The following BMPER variants were observed in gnomAD, a reference collection of about 807,000 sequenced individuals.
The protein encoded by BMPER is BMP binding endothelial regulator.
BMPER carries 45 observed loss-of-function variants against 87.3 expected under a neutral mutation model. The observed-to-expected ratio is 0.52, with a 90% CI of 0.41 to 0.66. The LOEUF is 0.66. Ranked by LOEUF, BMPER falls within the 30% of genes least tolerant of loss-of-function variation. BMPER has a pLI of 0.00. For synonymous variants in BMPER, 326 were observed against 316.2 expected (o/e 1.03, Z -0.33); for missense variants, 784 against 867.5 (o/e 0.90, Z 1.21).
At position 34,046,752 on chromosome 7, in the gene BMPER, C is replaced by T. The variant is rs74782807; in HGVS notation, c.676+347C>T. Among the ~76,000 whole-genome samples, 374 of 152,054 alleles carry T rather than the reference C, an allele frequency of 2.5e-3. 2 individuals are homozygous for T. The highest frequency in any genetic ancestry group is 8.5e-3 in the African/African-American group (354 of 41,444). On this transcript the variant is annotated intron_variant, in intron 7 of 14. Transcript: ENST00000649409. ...TATTTTAAAGGTATTTGAAGTAAAC[C>T]CATAGAGGAATATAGACTAGTGTTA...
intron 6 of BMPER, among the ~76,000 whole-genome samples, chr7:33,998,667 A>G (rs1159191584): frequency 6.6e-6 from 1 of 152,188 alleles, no homozygotes; most frequent in Non-Finnish European, 1.5e-5. Flanking sequence ...ACACAGGGTC[A>G]AGGCTGAATG....
chr7:34,086,848 C>T (rs1470219978), intron 13 of BMPER, among the ~76,000 whole-genome samples: 1 of 152,178 alleles, frequency 6.6e-6, no homozygotes, highest in African/African-American at 2.4e-5. Flanking sequence ...ATTTACTACA[C>T]AATTCCATGG....
chr7:33,936,380 A>G (rs1053004360), intron 2 of BMPER, among the ~76,000 whole-genome samples: 1 of 152,168 alleles, frequency 6.6e-6, no homozygotes, highest in Non-Finnish European at 1.5e-5. Context: ...CTCCCACTGG[A>G]AAGCTGGGTA....
chr7:34,009,331 C>T (rs997956641), intron 6 of BMPER, among the ~76,000 whole-genome samples: 7 of 151,852 alleles, frequency 4.6e-5, no homozygotes, highest in Non-Finnish European at 7.4e-5. Flanking sequence ...TCTTTCTGAA[C>T]TATTAGGGGC....
At chr7:34,073,573 G>T (rs1056639997) in intron 11 of BMPER, among the ~76,000 whole-genome samples, 1 of 152,364 alleles carries the variant, frequency 6.6e-6, no homozygotes, top group East Asian at 1.9e-4. Flanking sequence ...ATGGCAGTGT[G>T]CCAGGCACTG....
intron 11 of BMPER, among the ~76,000 whole-genome samples, chr7:34,067,679 A>G (rs1788628641): frequency 6.6e-6 from 1 of 152,182 alleles, no homozygotes; most frequent in African/African-American, 2.4e-5. Flanking sequence ...CTGCTCCAGC[A>G]TCTGGAGTCG....
rs1289703086 is a variant in BMPER at position 34,051,879 on chromosome 7, A to T, written c.695A>T (p.Asp232Val). 1.9e-6 allele frequency: 3 copies of T among 1,613,472 alleles called. No homozygotes were observed. Among genetic ancestry groups the T allele is most frequent in the Admixed American group, 1.7e-5 (1 of 59,986 alleles). The part of the protein sequence containing the change: ...PKCLGQRKVF[D>V]LPFGSCLFRS... ...TCTCTAGGTCAGAGGAAAGTGTTTG[A>T]CCTCCCTTTTGGGAGCTGCCTCTTT... is the stretch of plus-strand genomic sequence containing the variant. The change falls in exon 8 of 15, where the codon GAC becomes GTC. Residue 232 changes from aspartate (D) to valine (V), a missense_variant. Transcript: ENST00000649409.
chr7:33,957,197 A>T (rs1380497690), intron 3 of BMPER, among the ~76,000 whole-genome samples: 1 of 151,980 alleles, frequency 6.6e-6, no homozygotes, highest in Non-Finnish European at 1.5e-5. Flanking sequence ...GAAACAACCC[A>T]GATGCCCTTC....
Position 34,153,156 on chromosome 7 carries a change from C to T in BMPER, c.1941C>T (p.Asp647=). 1 of 1,614,044 alleles carries T rather than the reference C, an allele frequency of 6.2e-7. No individual in the cohort carries two copies. Among genetic ancestry groups the T allele is most frequent in the Middle Eastern group, 1.6e-4 (1 of 6,062 alleles). The change falls in exon 15 of 15, where the codon GAC becomes GAT. Residue 647 remains aspartate, a synonymous_variant. Transcript: ENST00000649409. ...GTCCGGGATGTATCAAGACGTGTGACAACTGGAATGAAATTGGTCCATGCA... is the reference window on the plus strand; with the variant it reads ...GTCCGGGATGTATCAAGACGTGTGATAACTGGAATGAAATTGGTCCATGCA... ...TCGPGCIKTC[D]NWNEIGPCNK... is the part of the protein sequence containing the mutation.
At chr7:34,046,163 TG>T in intron 6 of BMPER, 142 bp from the exon 7 acceptor site, 1 of 788,094 alleles carries the variant, frequency 1.3e-6, no homozygotes, top group Non-Finnish European at 2.1e-6. Context: ...AAAGGACGCT[TG>T]GGGAAAATCA....
intron 6 of BMPER, among the ~76,000 whole-genome samples, chr7:34,002,692 C>G (rs1786613628): frequency 6.6e-6 from 1 of 151,622 alleles, no homozygotes; most frequent in African/African-American, 2.4e-5. Context: ...ATATGTTAGG[C>G]CTCTTTTAAG....
chr7:34,032,089 G>T (rs1036640194), intron 6 of BMPER, among the ~76,000 whole-genome samples: 1 of 150,536 alleles, frequency 6.6e-6, no homozygotes, highest in African/African-American at 2.4e-5. Flanking sequence ...CTTTACCTCA[G>T]TTGTTCTGTT....
intron 13 of BMPER, among the ~76,000 whole-genome samples, chr7:34,137,941 G>A (rs1790763511): frequency 6.6e-6 from 1 of 152,118 alleles, no homozygotes; most frequent in African/African-American, 2.4e-5. Context: ...AATCCCTCTA[G>A]GAGGACAGAA....
chr7:34,114,153 A>G (rs984010239), intron 13 of BMPER, among the ~76,000 whole-genome samples: 5 of 152,150 alleles, frequency 3.3e-5, no homozygotes, highest in Non-Finnish European at 1.5e-5. Flanking sequence ...TTGCACCACA[A>G]GCATCAACAT....
At chr7:33,939,211 T>G (rs1784687054) in intron 3 of BMPER, among the ~76,000 whole-genome samples, 1 of 152,176 alleles carries the variant, frequency 6.6e-6, no homozygotes, top group Non-Finnish European at 1.5e-5. Context: ...AAGGGTGCTT[T>G]CTTATGCTGT....
intron 6 of BMPER, among the ~76,000 whole-genome samples, chr7:34,024,382 ACAAT>A (rs1787290492): frequency 1.9e-5 from 1 of 52,548 alleles, no homozygotes; most frequent in African/African-American, 1.1e-4. Flanking sequence ...AAAAAAAAAA[ACAAT>A]ATATATATAT....
intron 6 of BMPER, among the ~76,000 whole-genome samples, chr7:34,000,222 C>G (rs1035252569): frequency 6.6e-6 from 1 of 152,098 alleles, no homozygotes; most frequent in African/African-American, 2.4e-5. Context: ...CTCTAGTGTC[C>G]TTGTGACTCT....
chr7:34,057,985 G>T, intron 9 of BMPER, 74 bp from the exon 10 acceptor site: 1 of 1,326,064 alleles, frequency 7.5e-7, no homozygotes, highest in Non-Finnish European at 1.1e-6. Flanking sequence ...TTCCTCCATG[G>T]AGAGGTTACA....
Position 33,949,374 on chromosome 7 carries a change from T to G in BMPER, c.319+11986T>G, listed in dbSNP as rs77542530. Among the ~76,000 whole-genome samples, 7 of 152,320 alleles carry G rather than the reference T, an allele frequency of 4.6e-5. No homozygotes were observed. In the East Asian group the frequency reaches 1.2e-3, roughly 25 times the overall value. On this transcript the variant is annotated intron_variant, in intron 3 of 14. Transcript: ENST00000649409. ...CAGCGACTTTGTCCTGGAGACAATCTTTGTACCAGGTTCTTGGGATCCTTC... is the reference window on the plus strand; with the variant it reads ...CAGCGACTTTGTCCTGGAGACAATCGTTGTACCAGGTTCTTGGGATCCTTC...
Sources: gnomAD v4.1 joint callset for allele counts (sites outside exome capture counted in the v4.1 genomes callset) on GRCh38, gnomAD v4.1.1 for gene constraint, MANE v1.5 for transcripts, NCBI Gene and HGNC (gene_info 2026-07-23, HGNC 2026-07-21) for gene names.